PCDHGA4: variants seen among roughly 807,000 people sequenced by gnomAD.
PCDHGA4 encodes the protein protocadherin gamma subfamily A, 4.
In PCDHGA4, 38 loss-of-function variants were observed where a neutral mutation model predicts 54.6. The ratio of observed to expected loss-of-function variants is 0.70; its 90% CI spans 0.54 to 0.91. The LOEUF is 0.91. Among genes scored for constraint, PCDHGA4 ranks in the 40% least tolerant of loss-of-function variants. PCDHGA4 has a pLI of 0.00. For synonymous variants in PCDHGA4, 511 were observed against 512.9 expected (o/e 1.00, Z 0.05); for missense variants, 1,298 against 1,220.9 (o/e 1.06, Z -0.94).
At chr5:141,375,557 G>T (rs1160596322) in intron 1 of PCDHGA4, 1 of 1,613,988 alleles carries the variant, frequency 6.2e-7, no homozygotes, top group Admixed American at 1.7e-5. Context: ...CTACTCACTG[G>T]CAGAAGACAC....
chr5:141,399,360 C>T, intron 1 of PCDHGA4: 1 of 1,613,978 alleles, frequency 6.2e-7, no homozygotes, highest in Non-Finnish European at 8.5e-7. Context: ...GAGAGCAAAC[C>T]CCGGAGTACA....
intron 1 of PCDHGA4, chr5:141,421,835 G>A (rs755889809): frequency 5.6e-6 from 9 of 1,613,746 alleles, no homozygotes; most frequent in Non-Finnish European, 6.8e-6. Context: ...AGCCTGGACC[G>A]AGAGAAAGAG....
intron 1 of PCDHGA4, among the ~76,000 whole-genome samples, chr5:141,461,604 T>G (rs1166575574): frequency 6.6e-6 from 1 of 152,228 alleles, no homozygotes; most frequent in Non-Finnish European, 1.5e-5. Context: ...TATAATTTAG[T>G]TCAAAGTATT....
At chr5:141,445,118 G>A (rs964726987) in intron 1 of PCDHGA4, among the ~76,000 whole-genome samples, 1 of 152,148 alleles carries the variant, frequency 6.6e-6, no homozygotes, top group Non-Finnish European at 1.5e-5. Flanking sequence ...ATTGTAAATA[G>A]TATTTTTAAA....
chr5:141,431,333 C>T lies in PCDHGA4; in HGVS notation c.2515-63474C>T. 1 of 1,614,058 alleles carries T rather than the reference C, an allele frequency of 6.2e-7. No individual in the cohort carries two copies. Among genetic ancestry groups the T allele is most frequent in the Non-Finnish European group, 8.5e-7 (1 of 1,180,030 alleles). On this transcript the variant is annotated intron_variant, in intron 1 of 3. Coordinates refer to ENST00000571252, the MANE Select transcript of PCDHGA4 (RefSeq NM_018917.4). The surrounding 1 kb of genome is among the most constrained non-coding windows in gnomAD (Gnocchi z 4.8). ...AAATGGAGCCGACGGTAGTAAGTAC[C>T]CCGAATTGGTGCTGAAACGCGCCCT...
At chr5:141,423,148 C>G (rs2096714622) in intron 1 of PCDHGA4, 1 of 1,613,404 alleles carries the variant, frequency 6.2e-7, no homozygotes, top group African/African-American at 1.3e-5. Flanking sequence ...CGCGCTCAAG[C>G]AGAGCCTCGT....
chr5:141,395,025 T>C, intron 1 of PCDHGA4: 1 of 1,614,116 alleles, frequency 6.2e-7, no homozygotes, highest in Non-Finnish European at 8.5e-7. Flanking sequence ...CGTGCCTGCC[T>C]CACATTTTGT....
Position 141,511,256 on chromosome 5 carries a change from TTCAGGGC to T in PCDHGA4, c.*85_*91del. 6.4e-7 allele frequency: 1 copy of T among 1,563,506 alleles called. No individual in the cohort carries two copies. Among genetic ancestry groups the T allele is most frequent in the Non-Finnish European group, 8.7e-7 (1 of 1,154,422 alleles). The stretch of plus-strand genomic sequence containing the variant: ...CTTACCTGCACCCAGGCCTCAGAGT[TTCAGGGC>T]TAACCCCCAGAATACTGGTAGGGGC... On this transcript the variant is annotated 3_prime_UTR_variant, in exon 4 of 4. Coordinates refer to ENST00000571252, the MANE Select transcript of PCDHGA4 (RefSeq NM_018917.4).
rs560582745 is a variant in PCDHGA4 at position 141,399,792 on chromosome 5, A to C, written c.2514+42171A>C. On this transcript the variant is annotated intron_variant, in intron 1 of 3. Transcript: ENST00000571252. ...TGGTGGGCGACCGAAACGACAACGCACCGCGGGTGCTGTACCCCGCGCTGG... is the reference window on the plus strand; with the variant it reads ...TGGTGGGCGACCGAAACGACAACGCCCCGCGGGTGCTGTACCCCGCGCTGG... 8 of 1,613,146 alleles carry C rather than the reference A, an allele frequency of 5.0e-6. No homozygotes were observed. The South Asian group carries it at 8.8e-5, about 18-fold the overall frequency.
chr5:141,377,273 A>G (rs910126061), intron 1 of PCDHGA4: 1 of 96,864 alleles, frequency 1.0e-5, no homozygotes, highest in African/African-American at 5.8e-5. Flanking sequence ...CTAATGTGGG[A>G]AAAAAAATAA....
At chr5:141,410,625 G>A (rs202058499) in intron 1 of PCDHGA4, 1 of 1,602,442 alleles carries the variant, frequency 6.2e-7, no homozygotes, top group Non-Finnish European at 8.5e-7. Flanking sequence ...ACTTCGGTGA[G>A]TTTCTCTTTT....
chr5:141,506,896 T>C (rs1417106112), intron 3 of PCDHGA4, among the ~76,000 whole-genome samples: 3 of 152,158 alleles, frequency 2.0e-5, no homozygotes, highest in African/African-American at 7.2e-5. Flanking sequence ...CAAGAAGCAC[T>C]GTCATCACAC....
chr5:141,438,627 TATATATATACACAC>T (rs1407400493), intron 1 of PCDHGA4, among the ~76,000 whole-genome samples: 2,053 of 47,724 alleles, frequency 0.043, 22 homozygotes, highest in African/African-American at 0.13. Context: ...TATATATATA[TATATATATACACAC>T]ACACACACAC....
At chr5:141,415,695 T>C (rs1284418994) in intron 1 of PCDHGA4, 1 of 1,537,350 alleles carries the variant, frequency 6.5e-7, no homozygotes, top group South Asian at 1.2e-5. Context: ...TGGTGGAAAG[T>C]GTAAATGCTA....
At chr5:141,412,527 A>G (rs1017506409) in intron 1 of PCDHGA4, 3 of 152,186 alleles carry the variant, frequency 2.0e-5, no homozygotes, top group Admixed American at 1.3e-4. Context: ...AGTAGTTACA[A>G]TTATAAAGCT....
At chr5:141,371,448 G>A in intron 1 of PCDHGA4, 1 of 1,613,994 alleles carries the variant, frequency 6.2e-7, no homozygotes, top group Non-Finnish European at 8.5e-7. Flanking sequence ...CCTGGCTTCT[G>A]AATCCCAACA....
At chr5:141,421,941 T>C (rs186605459) in intron 1 of PCDHGA4, 2 of 1,613,456 alleles carry the variant, frequency 1.2e-6, no homozygotes, top group East Asian at 4.5e-5. Context: ...ATGTAAATGA[T>C]CACATCCCAA....
chr5:141,414,792 C>T (rs2095788725), intron 1 of PCDHGA4: 6 of 1,614,230 alleles, frequency 3.7e-6, no homozygotes, highest in African/African-American at 2.7e-5. Flanking sequence ...TGACAGCCAG[C>T]GACAGCGGGG....
At chr5:141,385,132 G>A (rs763210124) in intron 1 of PCDHGA4, 9 of 1,614,208 alleles carry the variant, frequency 5.6e-6, no homozygotes, top group Middle Eastern at 1.6e-4. Flanking sequence ...GGGCATGGAC[G>A]GGGTGCAGGC....
Sources: allele counts gnomAD v4.1 joint callset (sites outside exome capture counted in the v4.1 genomes callset), GRCh38; gene constraint gnomAD v4.1.1; non-coding constraint Gnocchi (gnomAD v3.1); transcripts MANE v1.5; gene names NCBI Gene and HGNC (gene_info 2026-07-23, HGNC 2026-07-21).